Variants in ZHX3 observed in about 807,000 individuals in gnomAD.
ZHX3 encodes the protein zinc fingers and homeoboxes 3.
In ZHX3, 20 loss-of-function variants were observed where a neutral mutation model predicts 64.5. The observed-to-expected ratio is 0.31, with a 90% confidence interval of 0.22 to 0.45. The LOEUF is 0.45. Ranked by LOEUF, ZHX3 falls within the 20% of genes least tolerant of loss-of-function variation. The pLI is 1.00. For missense variants in ZHX3, 1,041 were observed against 1,195.8 expected (o/e 0.87, Z 1.91); for synonymous variants, 423 against 461.6 (o/e 0.92, Z 1.07).
intron 1 of ZHX3, among the ~76,000 whole-genome samples, chr20:41,302,577 C>A (rs1298556808): frequency 6.6e-6 from 1 of 152,228 alleles, no homozygotes; most frequent in African/African-American, 2.4e-5. Flanking sequence ...AAATAAACAC[C>A]CACACACACC....
At chr20:41,243,489 T>C (rs1025918213) in intron 2 of ZHX3, among the ~76,000 whole-genome samples, 1 of 152,196 alleles carries the variant, frequency 6.6e-6, no homozygotes, top group Non-Finnish European at 1.5e-5. Context: ...CAAACAGTCT[T>C]AGGAAATGGA....
In ZHX3 at chr20:41,181,479, C is replaced by G. The variant is rs2036249636; in HGVS notation, c.*3712G>C. On this transcript the variant is annotated 3_prime_UTR_variant, in exon 4 of 4. Coordinates refer to ENST00000683867, the MANE Select transcript of ZHX3 (RefSeq NM_001384317.1). ...TCCTCTCCTGCAAGTTGCCTTTATC[C>G]ACTTGGGGTGTGATATCTGAACTGA... 1 of 152,016 alleles carries G rather than the reference C, an allele frequency of 6.6e-6. No individual in the cohort carries two copies. The highest frequency in any genetic ancestry group is 6.6e-5 in the Admixed American group (1 of 15,256). 9.4% of individuals were successfully genotyped at this position (152,016 alleles called of 1,614,324 possible).
chr20:41,317,280 C>T (rs2045315335), intron 1 of ZHX3: 1 of 152,176 alleles, frequency 6.6e-6, no homozygotes, highest in African/African-American at 2.4e-5. Context: ...GGGCGGGGCT[C>T]CGGGGGGAAG....
chr20:41,315,826 G>T (rs1015436646), intron 1 of ZHX3, among the ~76,000 whole-genome samples: 6 of 152,038 alleles, frequency 3.9e-5, no homozygotes, highest in African/African-American at 1.4e-4. Flanking sequence ...ATACCAAATT[G>T]TGATTTACTA....
In ZHX3 at chr20:41,266,564, T is replaced by TA. The variant is rs2042861500; in HGVS notation, c.-151+2425dup. Reference sequence around the variant, plus strand: ...CAATCTTTCTTTTTTTTTTTTTTTTTAGATGGAGTCTTGTTCTGTCGCCCA... The same window carrying TA: ...CAATCTTTCTTTTTTTTTTTTTTTTTAAGATGGAGTCTTGTTCTGTCGCCCA... On this transcript the variant is annotated intron_variant, in intron 2 of 3. Transcript: ENST00000683867. Among the ~76,000 whole-genome samples the TA allele has an allele frequency of 2.9e-5, 4 of 136,896 alleles. No individual in the cohort carries two copies. The South Asian group carries it at 9.4e-4, about 32-fold the overall frequency. The allele number at this position is 136,896 out of a possible 152,430, so 89.8% of individuals were successfully genotyped here. A position where few individuals can be genotyped will look rare whatever the true frequency, so the allele number is the denominator to read the frequency against.
Position 41,201,160 on chromosome 20 carries a change from T to C in ZHX3, c.2860+897A>G, listed in dbSNP as rs1421836696. On this transcript the variant is annotated intron_variant, in intron 3 of 3. Transcript: ENST00000683867. The surrounding 1 kb of genome is among the most constrained non-coding windows in gnomAD (Gnocchi z 5.0). The stretch of plus-strand genomic sequence containing the variant: ...CCAAAGTCACCACGGAACCATCACA[T>C]TGCCCAACACCACAAATAGTGTCTC... 5.1e-6 allele frequency: 3 copies of C among 585,302 alleles called. No individual in the cohort carries two copies. Among genetic ancestry groups the C allele is most frequent in the Non-Finnish European group, 7.5e-6 (3 of 399,276 alleles). The allele number at this position is 585,302 out of a possible 1,614,324, so 36.3% of individuals were successfully genotyped here.
intron 1 of ZHX3, among the ~76,000 whole-genome samples, chr20:41,297,502 C>T (rs2044593562): frequency 6.6e-6 from 1 of 152,214 alleles, no homozygotes; most frequent in African/African-American, 2.4e-5. Flanking sequence ...AACATAGCAG[C>T]CTCGCAAACA....
At chr20:41,227,007 T>C (rs1427168328) in intron 2 of ZHX3, among the ~76,000 whole-genome samples, 1 of 152,204 alleles carries the variant, frequency 6.6e-6, no homozygotes, top group Non-Finnish European at 1.5e-5. Context: ...AAGTATCAGT[T>C]TCCCTTGACA....
chr20:41,190,563 G>A (rs1396375394), intron 3 of ZHX3, among the ~76,000 whole-genome samples: 3 of 152,138 alleles, frequency 2.0e-5, no homozygotes, highest in Non-Finnish European at 2.9e-5. Flanking sequence ...GTTTGGCATT[G>A]TACTCTGGTA....
chr20:41,236,712 C>T lies in ZHX3; in HGVS notation c.-150-31646G>A, dbSNP rs569755715. On this transcript the variant is annotated intron_variant, in intron 2 of 3. Transcript: ENST00000683867. Reference sequence around the variant, plus strand: ...ATACCATTCAGGACATAGGCATGGGCAAGGACTTCATGTCTAAAACACCAA... The same window carrying T: ...ATACCATTCAGGACATAGGCATGGGTAAGGACTTCATGTCTAAAACACCAA... Among the ~76,000 whole-genome samples, 14 of 152,282 alleles carry T rather than the reference C, an allele frequency of 9.2e-5. No individual in the cohort carries two copies. The South Asian group carries it at 2.9e-3, about 32-fold the overall frequency.
At position 41,204,218 on chromosome 20, in the gene ZHX3, G is replaced by C; in HGVS notation, c.699C>G (p.Ile233Met). 6.2e-7 allele frequency: 1 copy of C among 1,612,962 alleles called. No individual in the cohort carries two copies. ...MEVREGDHSF[I>M]NGAVPVSQAS... is the part of the protein sequence containing the mutation. ...CCTGGCTGACTGGAACTGCCCCATT[G>C]ATGAAGGAATGGTCCCCCTCTCTCA... Residue 233 changes from isoleucine to methionine, a missense_variant, in exon 3 of 4, where the codon ATC (isoleucine) becomes ATG (methionine). By Grantham distance (10) the Ile-to-Met change is conservative (BLOSUM62 1). This residue lies in a region of ZHX3 where 358 missense variants were observed against 369.1 expected (regional missense o/e 0.97). Coordinates refer to ENST00000683867, the MANE Select transcript of ZHX3 (RefSeq NM_001384317.1). The surrounding 1 kb of genome is among the most constrained non-coding windows in gnomAD (Gnocchi z 6.6).
rs1468152096 is a variant in ZHX3, at chr20:41,219,767, T to C, written c.-150-14701A>G. Among the ~76,000 whole-genome samples, 1 of 152,256 alleles carries C rather than the reference T, an allele frequency of 6.6e-6. No individual in the cohort carries two copies. Among genetic ancestry groups the C allele is most frequent in the African/African-American group, 2.4e-5 (1 of 41,478 alleles). On this transcript the variant is annotated intron_variant, in intron 2 of 3. Coordinates refer to ENST00000683867, the MANE Select transcript of ZHX3 (RefSeq NM_001384317.1). The surrounding 1 kb of genome is among the most constrained non-coding windows in gnomAD (Gnocchi z 5.0). ...ACTGGATGCATTGAATTTCCCTGCC[T>C]ACCTGAAGTTAGGTGAAACCAATGA... is the stretch of plus-strand genomic sequence containing the variant.
chr20:41,200,785 C>T lies in ZHX3; in HGVS notation c.2860+1272G>A, dbSNP rs1169522706. Among the ~76,000 whole-genome samples, 2 of 152,162 alleles carry T rather than the reference C, an allele frequency of 1.3e-5. No homozygotes were observed. The highest frequency in any genetic ancestry group is 2.4e-5 in the African/African-American group (1 of 41,440). ...AACAGATGGATGACATGGTACTCCC[C>T]GCCCCCAACCCACCAAATTATGGGC... On this transcript the variant is annotated intron_variant, in intron 3 of 3. Transcript: ENST00000683867. This position sits in a 1 kb window ranked among gnomAD's most constrained non-coding sequence, Gnocchi z 4.2.
chr20:41,293,898 G>A (rs539345817), intron 1 of ZHX3, among the ~76,000 whole-genome samples: 1 of 152,180 alleles, frequency 6.6e-6, no homozygotes, highest in Non-Finnish European at 1.5e-5. Flanking sequence ...GTGAAAACCA[G>A]AACAGATCTC....
At position 41,201,927 on chromosome 20, in the gene ZHX3, G is replaced by C. The variant is rs1209435465; in HGVS notation, c.2860+130C>G. 1.0e-5 allele frequency: 12 copies of C among 1,148,110 alleles called. No individual in the cohort carries two copies. The highest frequency in any genetic ancestry group is 1.2e-5 in the Non-Finnish European group (10 of 841,086). The allele number at this position is 1,148,110 out of a possible 1,614,324, so 71.1% of individuals were successfully genotyped here. On this transcript the variant is annotated intron_variant, in intron 3 of 3. Transcript: ENST00000683867. The surrounding 1 kb of genome is among the most constrained non-coding windows in gnomAD (Gnocchi z 5.0). The stretch of plus-strand genomic sequence containing the variant: ...TGCTAGTTGTCCTCTGAAGCAGCCA[G>C]GCGGTTAATGCTGCTGCCAGGCAGC...
chr20:41,220,334 C>T (rs919261127), intron 2 of ZHX3, among the ~76,000 whole-genome samples: 1 of 152,042 alleles, frequency 6.6e-6, no homozygotes, highest in African/African-American at 2.4e-5. Flanking sequence ...ATACAAAAAC[C>T]GTAGAGGGAG....
In ZHX3 at chr20:41,303,120, G is replaced by GA. The variant is rs541517210; in HGVS notation, c.-245+14388dup. ...TAACAATTCACAAATGAAAAAAATGGACTTAGTGAAGTTAAGGTATGTCCA... is the reference window on the plus strand; with the variant it reads ...TAACAATTCACAAATGAAAAAAATGGAACTTAGTGAAGTTAAGGTATGTCCA... On this transcript the variant is annotated intron_variant, in intron 1 of 3. Transcript: ENST00000683867. Among the ~76,000 whole-genome samples, 18 of 152,316 alleles carry GA rather than the reference G, an allele frequency of 1.2e-4. No homozygotes were observed. In the East Asian group the frequency reaches 3.5e-3, roughly 29 times the overall value.
intron 1 of ZHX3, among the ~76,000 whole-genome samples, 158 bp from the exon 2 acceptor site, chr20:41,269,241 C>T (rs2043008343): frequency 6.6e-6 from 1 of 152,132 alleles, no homozygotes; most frequent in Non-Finnish European, 1.5e-5. Context: ...TATCAAAATA[C>T]AAACTAGCAA....
chr20:41,271,029 T>C (rs2043121191), intron 1 of ZHX3, among the ~76,000 whole-genome samples: 1 of 152,124 alleles, frequency 6.6e-6, no homozygotes, highest in Non-Finnish European at 1.5e-5. Flanking sequence ...GTATTTTTGT[T>C]TTTTGTTTTT....
Sources: gnomAD v4.1 joint callset for allele counts (sites outside exome capture counted in the v4.1 genomes callset) on GRCh38, gnomAD v4.1.1 for gene constraint, gnomAD v4.1.1 regional missense constraint, Gnocchi (gnomAD v3.1) non-coding constraint, MANE v1.5 for transcripts, NCBI Gene and HGNC (gene_info 2026-07-23, HGNC 2026-07-21) for gene names.